Variants in RPS6KB1 observed in about 807,000 individuals in gnomAD.
RPS6KB1 encodes the protein ribosomal protein S6 kinase beta-1.
Under a neutral mutation model 70.2 loss-of-function variants are expected in RPS6KB1, and 12 were observed. That is an observed-to-expected ratio of 0.17 (90% confidence interval 0.11 to 0.28). RPS6KB1 has a LOEUF of 0.28. Among genes scored for constraint, RPS6KB1 ranks in the 10% least tolerant of loss-of-function variants. The pLI is 1.00. For synonymous variants in RPS6KB1, 175 were observed against 211.2 expected (o/e 0.83, Z 1.49); for missense variants, 270 against 646.6 (o/e 0.42, Z 6.32).
intron 4 of RPS6KB1, among the ~76,000 whole-genome samples, chr17:59,918,320 G>C (rs112951140): frequency 6.6e-6 from 1 of 151,476 alleles, no homozygotes; most frequent in African/African-American, 2.4e-5. Context: ...CCTGTTTAAT[G>C]AGTATAATAT....
chr17:59,934,590 G>C lies in RPS6KB1; in HGVS notation c.870+66G>C. 8.3e-7 allele frequency: 1 copy of C among 1,206,914 alleles called. No individual in the cohort carries two copies. Among genetic ancestry groups the C allele is most frequent in the South Asian group, 1.3e-5 (1 of 77,032 alleles). The allele number at this position is 1,206,914 out of a possible 1,614,324, so 74.8% of individuals were successfully genotyped here. ...GCTGAGTCACTATAGCAAGAGACCT[G>C]TCCTGTGCTTTCTGAACATGTTACC... On this transcript the variant is annotated intron_variant, in intron 9 of 14. Transcript: ENST00000225577. The surrounding 1 kb of genome is among the most constrained non-coding windows in gnomAD (Gnocchi z 4.8).
intron 13 of RPS6KB1, among the ~76,000 whole-genome samples, chr17:59,943,634 T>G (rs1459307242): frequency 6.6e-6 from 1 of 151,842 alleles, no homozygotes; most frequent in African/African-American, 2.4e-5. Flanking sequence ...ATCCCAGCAC[T>G]TTGGGAGTCT....
chr17:59,902,996 C>T (rs1296497570), intron 1 of RPS6KB1, among the ~76,000 whole-genome samples: 1 of 151,830 alleles, frequency 6.6e-6, no homozygotes, highest in East Asian at 1.9e-4. Flanking sequence ...GCCTGGGCAA[C>T]GTGATGAAAC....
At chr17:59,906,218 A>G (rs2042256678) in intron 1 of RPS6KB1, among the ~76,000 whole-genome samples, 1 of 152,130 alleles carries the variant, frequency 6.6e-6, no homozygotes, top group Non-Finnish European at 1.5e-5. Context: ...CTGTTGATCT[A>G]TATGTCTTTC....
intron 1 of RPS6KB1, among the ~76,000 whole-genome samples, chr17:59,898,789 T>G (rs1404612338): frequency 6.6e-6 from 1 of 151,964 alleles, no homozygotes; most frequent in African/African-American, 2.4e-5. Flanking sequence ...CCCAAGAGTT[T>G]AGGCAAAGTT....
At chr17:59,901,311 G>T (rs1190172224) in intron 1 of RPS6KB1, among the ~76,000 whole-genome samples, 1 of 151,336 alleles carries the variant, frequency 6.6e-6, no homozygotes, top group Non-Finnish European at 1.5e-5. Context: ...CACCACGCCC[G>T]GCTAATGTTT....
chr17:59,924,505 A>G (rs1181691395), intron 4 of RPS6KB1, among the ~76,000 whole-genome samples: 1 of 152,106 alleles, frequency 6.6e-6, no homozygotes, highest in African/African-American at 2.4e-5. Flanking sequence ...AATATGGTTC[A>G]AAAAGAAAAA....
At chr17:59,939,770 C>T (rs961541178) in intron 12 of RPS6KB1, among the ~76,000 whole-genome samples, 2 of 152,158 alleles carry the variant, frequency 1.3e-5, no homozygotes, top group Non-Finnish European at 2.9e-5. Flanking sequence ...TGGAATCAGC[C>T]ATTCCTCCAG....
At position 59,934,669 on chromosome 17, in the gene RPS6KB1, G is replaced by A. The variant is rs1003688163; in HGVS notation, c.870+145G>A. 24 of 602,536 alleles carry A rather than the reference G, an allele frequency of 4.0e-5. No homozygotes were observed. The African/African-American group carries it at 4.3e-4, about 11-fold the overall frequency. The allele number at this position is 602,536 out of a possible 1,614,324, so 37.3% of individuals were successfully genotyped here. On this transcript the variant is annotated intron_variant, in intron 9 of 14. Coordinates refer to ENST00000225577, the MANE Select transcript of RPS6KB1 (RefSeq NM_003161.4). This position sits in a 1 kb window ranked among gnomAD's most constrained non-coding sequence, Gnocchi z 4.8. ...TTATTAGCAGTTTAACACTAATAAT[G>A]CTGTATGATTATATGGGATCCCATA...
chr17:59,911,303 G>C (rs758018035), intron 2 of RPS6KB1, among the ~76,000 whole-genome samples: 6 of 152,170 alleles, frequency 3.9e-5, no homozygotes, highest in Non-Finnish European at 5.9e-5. Flanking sequence ...TGAGAAGATA[G>C]ATCACTCATG....
chr17:59,898,630 T>C (rs1313818573), intron 1 of RPS6KB1, among the ~76,000 whole-genome samples: 1 of 151,638 alleles, frequency 6.6e-6, no homozygotes, highest in Admixed American at 6.6e-5. Flanking sequence ...ATTTTTTGTA[T>C]TTTTTTGGTA....
chr17:59,935,817 C>CTTTTCT (rs1555652521), intron 10 of RPS6KB1, among the ~76,000 whole-genome samples: 4 of 145,262 alleles, frequency 2.8e-5, no homozygotes, highest in African/African-American at 1.0e-4. Context: ...CTTTTCTTTT[C>CTTTTCT]TTTTTTTTCT....
At chr17:59,903,174 C>T (rs573778206) in intron 1 of RPS6KB1, among the ~76,000 whole-genome samples, 14 of 151,936 alleles carry the variant, frequency 9.2e-5, no homozygotes, top group African/African-American at 2.7e-4. Flanking sequence ...GGCGTGGTGG[C>T]GGGTGCCTGT....
At chr17:59,917,903 G>T (rs974829684) in intron 4 of RPS6KB1, among the ~76,000 whole-genome samples, 1 of 151,962 alleles carries the variant, frequency 6.6e-6, no homozygotes, top group African/African-American at 2.4e-5. Flanking sequence ...TCTTTTCCAC[G>T]TTTCCATTTC....
chr17:59,940,775 G>A (rs1384548871), intron 12 of RPS6KB1, 61 bp from the exon 13 acceptor site: 20 of 993,502 alleles, frequency 2.0e-5, no homozygotes, highest in Non-Finnish European at 3.1e-5. Context: ...AGCTTACAGT[G>A]CATTTGATTG....
intron 1 of RPS6KB1, among the ~76,000 whole-genome samples, chr17:59,900,171 A>AACACACAC (rs759914423): frequency 0.071 from 7,224 of 102,268 alleles, 375 homozygotes; most frequent in East Asian, 0.083. Context: ...CTAATTGCTA[A>AACACACAC]ACACACACAC....
chr17:59,917,941 A>AT (rs1233931997), intron 4 of RPS6KB1, among the ~76,000 whole-genome samples: 2 of 150,256 alleles, frequency 1.3e-5, no homozygotes, highest in African/African-American at 4.9e-5. Flanking sequence ...CTTCTACTCA[A>AT]TTTTTTTTTG....
At position 59,938,191 on chromosome 17, in the gene RPS6KB1, G is replaced by A. The variant is rs868692185; in HGVS notation, c.1119+1650G>A. Among the ~76,000 whole-genome samples the A allele has an allele frequency of 3.5e-5, 5 of 143,326 alleles. No individual in the cohort carries two copies. In the South Asian group the frequency reaches 1.1e-3, roughly 32 times the overall value. The allele number at this position is 143,326 out of a possible 152,430, so 94.0% of individuals were successfully genotyped here. The stretch of plus-strand genomic sequence containing the variant: ...CTTTCTTTTTTTTTTTTTTGGGGGG[G>A]GGATAGGGTCTTTCTCTGTTGCCCA... On this transcript the variant is annotated intron_variant, in intron 12 of 14. Coordinates refer to ENST00000225577, the MANE Select transcript of RPS6KB1 (RefSeq NM_003161.4).
chr17:59,945,277 C>T (rs1213901646), intron 13 of RPS6KB1, 129 bp from the exon 14 acceptor site: 17 of 558,480 alleles, frequency 3.0e-5, no homozygotes, highest in Middle Eastern at 4.9e-4. Flanking sequence ...AGGTTGAGGA[C>T]GTGGGAGAGT....
Sources: gnomAD v4.1 joint callset for allele counts (sites outside exome capture counted in the v4.1 genomes callset) on GRCh38, gnomAD v4.1.1 for gene constraint, Gnocchi (gnomAD v3.1) non-coding constraint, MANE v1.5 for transcripts, NCBI Gene and HGNC (gene_info 2026-07-23, HGNC 2026-07-21) for gene names.